The following CCBE1 variants were observed in gnomAD, a reference collection of about 807,000 sequenced individuals.
CCBE1 encodes collagen and calcium-binding EGF domain-containing protein 1.
A neutral mutation model predicts 50.0 loss-of-function variants in CCBE1; 37 were observed. The observed-to-expected ratio is 0.74, with a 90% CI of 0.57 to 0.97. The LOEUF is 0.97. Ranked by LOEUF, CCBE1 falls within the 50% of genes least tolerant of loss-of-function variation. The pLI is 0.00. For missense variants in CCBE1, 538 were observed against 523.8 expected (o/e 1.03, Z -0.26); for synonymous variants, 234 against 203.7 (o/e 1.15, Z -1.27).
intron 5 of CCBE1, among the ~76,000 whole-genome samples, chr18:59,466,291 A>G (rs996779702): frequency 9.2e-5 from 14 of 152,066 alleles, no homozygotes; most frequent in African/African-American, 3.1e-4. Context: ...GACAGTGTAT[A>G]AGTCTCAGAG....
chr18:59,560,164 G>C (rs965932447), intron 2 of CCBE1, among the ~76,000 whole-genome samples: 1 of 152,236 alleles, frequency 6.6e-6, no homozygotes, highest in African/African-American at 2.4e-5. Context: ...AAGCCCTACA[G>C]GTAGTTAGCC....
At chr18:59,656,825 G>A (rs1287530574) in intron 2 of CCBE1, among the ~76,000 whole-genome samples, 2 of 152,206 alleles carry the variant, frequency 1.3e-5, no homozygotes, top group African/African-American at 4.8e-5. Flanking sequence ...GTTACAGAGT[G>A]TAGACAGGGT....
In CCBE1 at chr18:59,435,830, GTCTT is replaced by G; in HGVS notation, c.*74_*77del. On this transcript the variant is annotated 3_prime_UTR_variant, in exon 11 of 11. Coordinates refer to ENST00000439986, the MANE Select transcript of CCBE1 (RefSeq NM_133459.4). ...ATGTATGTTTTCTAGGTCTCCAGTG[GTCTT>G]TCTTCTCTTTAGATGGTTTAACTGC... 4 of 1,251,816 alleles carry G rather than the reference GTCTT, an allele frequency of 3.2e-6. No homozygotes were observed. Among genetic ancestry groups the G allele is most frequent in the Admixed American group, 1.7e-5 (1 of 59,504 alleles). 77.5% of individuals were successfully genotyped at this position (1,251,816 alleles called of 1,614,324 possible).
chr18:59,642,903 C>T lies in CCBE1; in HGVS notation c.212+53726G>A, dbSNP rs554074629. Among the ~76,000 whole-genome samples, 468 of 139,578 alleles carry T rather than the reference C, an allele frequency of 3.4e-3. 1 individual carries two copies. Among genetic ancestry groups the T allele is most frequent in the Non-Finnish European group, 5.4e-3 (358 of 66,506 alleles). 91.6% of individuals were successfully genotyped at this position (139,578 alleles called of 152,430 possible). Reference sequence around the variant, plus strand: ...GGCGGAGGTTGCAGTGAACCGAGATCGTGCCACTGCACTCCAGCCCTGGCA... The same window carrying T: ...GGCGGAGGTTGCAGTGAACCGAGATTGTGCCACTGCACTCCAGCCCTGGCA... On this transcript the variant is annotated intron_variant, in intron 2 of 10. Coordinates refer to ENST00000439986, the MANE Select transcript of CCBE1 (RefSeq NM_133459.4).
intron 2 of CCBE1, among the ~76,000 whole-genome samples, chr18:59,678,467 A>G (rs1230792955): frequency 6.6e-6 from 1 of 152,242 alleles, no homozygotes; most frequent in Non-Finnish European, 1.5e-5. Flanking sequence ...ATATCAGAAT[A>G]TTAAGAACAG....
At chr18:59,632,624 T>C (rs1159254034) in intron 2 of CCBE1, among the ~76,000 whole-genome samples, 4 of 152,054 alleles carry the variant, frequency 2.6e-5, no homozygotes, top group Non-Finnish European at 4.4e-5. Context: ...AGTCTTACTC[T>C]ATGGCCCAGG....
At chr18:59,565,986 T>C (rs529734786) in intron 2 of CCBE1, among the ~76,000 whole-genome samples, 1 of 152,278 alleles carries the variant, frequency 6.6e-6, no homozygotes, top group South Asian at 2.1e-4. Flanking sequence ...CCTCTGACCT[T>C]GGAGACCCAA....
At chr18:59,664,014 G>T (rs1437980520) in intron 2 of CCBE1, among the ~76,000 whole-genome samples, 1 of 152,102 alleles carries the variant, frequency 6.6e-6, no homozygotes, top group Non-Finnish European at 1.5e-5. Context: ...CCATGAACTG[G>T]GTAACTTATA....
At chr18:59,622,829 GA>G (rs372756620) in intron 2 of CCBE1, among the ~76,000 whole-genome samples, 46 of 137,278 alleles carry the variant, frequency 3.4e-4, no homozygotes, top group South Asian at 1.2e-3. Context: ...AAAGAAAAAA[GA>G]AAAAAAAAAA....
intron 2 of CCBE1, among the ~76,000 whole-genome samples, chr18:59,589,747 C>T (rs564813683): frequency 2.4e-4 from 34 of 138,836 alleles, no homozygotes; most frequent in East Asian, 1.0e-3. Context: ...TGCAGTGAGC[C>T]GAGATTGCGC....
intron 3 of CCBE1, among the ~76,000 whole-genome samples, chr18:59,476,032 A>C (rs1912290129): frequency 6.6e-6 from 1 of 151,918 alleles, no homozygotes; most frequent in Non-Finnish European, 1.5e-5. Context: ...TTCCACATTT[A>C]CTGAATGCTT....
At chr18:59,541,103 C>T (rs527618822) in intron 2 of CCBE1, among the ~76,000 whole-genome samples, 12 of 152,274 alleles carry the variant, frequency 7.9e-5, no homozygotes, top group South Asian at 2.1e-4. Flanking sequence ...TGTCATTAAT[C>T]GGTTAGAGTA....
chr18:59,523,648 T>C (rs1259847681), intron 2 of CCBE1, among the ~76,000 whole-genome samples: 3 of 152,172 alleles, frequency 2.0e-5, no homozygotes, highest in South Asian at 4.1e-4. Flanking sequence ...GGTTATTTCA[T>C]GTAAATTTAT....
chr18:59,570,191 G>A (rs1443330400), intron 2 of CCBE1, among the ~76,000 whole-genome samples: 1 of 152,172 alleles, frequency 6.6e-6, no homozygotes, highest in Admixed American at 6.5e-5. Context: ...GTTTCTGCTA[G>A]ATCACTCTGA....
rs77231039 is a variant in CCBE1 at position 59,579,710 on chromosome 18, C to T, written c.213-99472G>A. On this transcript the variant is annotated intron_variant, in intron 2 of 10. Coordinates refer to ENST00000439986, the MANE Select transcript of CCBE1 (RefSeq NM_133459.4). Reference sequence around the variant, plus strand: ...TGCCAACAGAACGGAATGTTAGGCTCTTACTGCGTTAGTGTCTCTGTCCCT... The same window carrying T: ...TGCCAACAGAACGGAATGTTAGGCTTTTACTGCGTTAGTGTCTCTGTCCCT... 8.7e-3 allele frequency among the ~76,000 whole-genome samples: 1,321 copies of T among 152,330 alleles called. 22 individuals are homozygous for T. The highest frequency in any genetic ancestry group is 0.031 in the African/African-American group (1,280 of 41,570).
intron 5 of CCBE1, among the ~76,000 whole-genome samples, chr18:59,456,835 G>C (rs1911215694): frequency 6.6e-6 from 1 of 152,198 alleles, no homozygotes; most frequent in African/African-American, 2.4e-5. Flanking sequence ...CCCAGAGGCA[G>C]CCTGGTAGCT....
At chr18:59,614,883 A>G (rs2053617736) in intron 2 of CCBE1, among the ~76,000 whole-genome samples, 1 of 152,238 alleles carries the variant, frequency 6.6e-6, no homozygotes, top group Non-Finnish European at 1.5e-5. Flanking sequence ...CATGTGTCCA[A>G]TCACAATTCA....
intron 2 of CCBE1, among the ~76,000 whole-genome samples, chr18:59,509,106 T>C (rs1054179086): frequency 2.6e-5 from 4 of 152,164 alleles, no homozygotes; most frequent in Non-Finnish European, 4.4e-5. Context: ...ACAGTTTTTC[T>C]TAATAACCAA....
intron 2 of CCBE1, among the ~76,000 whole-genome samples, chr18:59,558,648 A>G (rs2052687171): frequency 6.6e-6 from 1 of 152,194 alleles, no homozygotes; most frequent in Admixed American, 6.5e-5. Flanking sequence ...ATGGTTTGAC[A>G]TGGCGGGCAT....
Sources: allele counts gnomAD v4.1 joint callset (sites outside exome capture counted in the v4.1 genomes callset), GRCh38; gene constraint gnomAD v4.1.1; transcripts MANE v1.5; gene names NCBI Gene and HGNC (gene_info 2026-07-23, HGNC 2026-07-21).